Variants in RYR2 observed in about 807,000 individuals in gnomAD.
The protein encoded by RYR2 is cardiac muscle ryanodine receptor-calcium release channel.
RYR2 carries 227 observed loss-of-function variants against 601.1 expected under a neutral mutation model. That is an observed-to-expected ratio of 0.38 (90% CI 0.34 to 0.42). The LOEUF (loss-of-function observed/expected upper bound fraction) is 0.42. Among genes scored for constraint, RYR2 ranks in the 10% least tolerant of loss-of-function variants. The pLI, the probability that RYR2 is intolerant of heterozygous loss-of-function variation, is 1.00. For synonymous variants in RYR2, 2,223 were observed against 2,175.1 expected (o/e 1.02, Z -0.61); for missense variants, 4,646 against 6,156.5 (o/e 0.75, Z 8.21).
intron 100 of RYR2, among the ~76,000 whole-genome samples, chr1:237,817,756 C>G (rs1661994303): frequency 6.6e-6 from 1 of 152,186 alleles, no homozygotes; most frequent in Admixed American, 6.5e-5. Flanking sequence ...GCAAAGGAGA[C>G]TGGAAAGCAA....
intron 10 of RYR2, among the ~76,000 whole-genome samples, chr1:237,414,193 C>T (rs966995940): frequency 6.6e-6 from 1 of 151,496 alleles, no homozygotes; most frequent in Non-Finnish European, 1.5e-5. Context: ...TGTGTGTATA[C>T]ACACACAGAC....
chr1:237,168,413 TA>T (rs1304884087), intron 1 of RYR2, among the ~76,000 whole-genome samples: 4 of 152,208 alleles, frequency 2.6e-5, no homozygotes, highest in Non-Finnish European at 5.9e-5. Context: ...TTGATGGCTA[TA>T]AACTTTGATT....
At chr1:237,770,584 T>G (rs1694191052) in intron 84 of RYR2, among the ~76,000 whole-genome samples, 1 of 152,250 alleles carries the variant, frequency 6.6e-6, no homozygotes, top group African/African-American at 2.4e-5. Context: ...CAGAGAAGTC[T>G]GAGTTTTAAA....
chr1:237,496,175 A>G (rs1196020608), intron 19 of RYR2, among the ~76,000 whole-genome samples: 1 of 152,202 alleles, frequency 6.6e-6, no homozygotes, highest in African/African-American at 2.4e-5. Context: ...AGGTCGAGGC[A>G]GGAGGATCAC....
At chr1:237,524,915 A>T (rs1163487258) in intron 24 of RYR2, among the ~76,000 whole-genome samples, 1 of 152,104 alleles carries the variant, frequency 6.6e-6, no homozygotes, top group Non-Finnish European at 1.5e-5. Flanking sequence ...ATACTTTTTT[A>T]AAAAGTTTAG....
intron 97 of RYR2, among the ~76,000 whole-genome samples, chr1:237,801,392 A>AAAAT (rs1220392723): frequency 7.2e-6 from 1 of 138,928 alleles, no homozygotes; most frequent in East Asian, 2.1e-4. Context: ...AAAAAAAAAA[A>AAAAT]TTCGCTGGGA....
At chr1:237,323,881 A>G (rs1695886326) in intron 2 of RYR2, among the ~76,000 whole-genome samples, 1 of 152,222 alleles carries the variant, frequency 6.6e-6, no homozygotes. Flanking sequence ...TTAGGATCAC[A>G]TTTAGCCTTG....
At chr1:237,196,610 G>T (rs1286181537) in intron 1 of RYR2, among the ~76,000 whole-genome samples, 2 of 151,998 alleles carry the variant, frequency 1.3e-5, no homozygotes, top group Admixed American at 6.6e-5. Context: ...ATATCAAATT[G>T]TCCTACACTT....
intron 10 of RYR2, among the ~76,000 whole-genome samples, chr1:237,412,888 G>A (rs1332552365): frequency 6.6e-6 from 1 of 152,068 alleles, no homozygotes; most frequent in Non-Finnish European, 1.5e-5. Context: ...ATACCATTTG[G>A]CAAACTTGTT....
rs574346278 is a variant in RYR2, at chr1:237,097,783, A to C, written c.48+55214A>C. 3.3e-5 allele frequency among the ~76,000 whole-genome samples: 5 copies of C among 152,304 alleles called. No individual in the cohort carries two copies. The South Asian group carries it at 1.0e-3, about 32-fold the overall frequency. On this transcript the variant is annotated intron_variant, in intron 1 of 104. Coordinates refer to ENST00000366574, the MANE Select transcript of RYR2 (RefSeq NM_001035.3). The stretch of plus-strand genomic sequence containing the variant: ...ACATCCACTACCAGTGATATTAGCT[A>C]TTCCCAGTCCGTGTCACCCCCAGGG...
intron 16 of RYR2, among the ~76,000 whole-genome samples, chr1:237,461,220 C>T (rs571543061): frequency 2.6e-5 from 4 of 152,286 alleles, no homozygotes; most frequent in East Asian, 1.9e-4. Flanking sequence ...AACACAGTAT[C>T]GCACATCTGC....
rs1553355763 is a variant in RYR2 at position 237,234,021 on chromosome 1, AAT to A, written c.49-36475_49-36474del. 4.6e-5 allele frequency among the ~76,000 whole-genome samples: 7 copies of A among 152,126 alleles called. No homozygotes were observed. The South Asian group carries it at 1.5e-3, about 32-fold the overall frequency. On this transcript the variant is annotated intron_variant, in intron 1 of 104. Transcript: ENST00000366574. Reference sequence around the variant, plus strand: ...ATGTCTTGAAATTAGTCAAGGGTCAAATTTTTGAGGACCTTTAAGATATTGGG... The same window carrying A: ...ATGTCTTGAAATTAGTCAAGGGTCAATTTTGAGGACCTTTAAGATATTGGG...
At chr1:237,252,729 G>T (rs1687581549) in intron 1 of RYR2, among the ~76,000 whole-genome samples, 2 of 152,152 alleles carry the variant, frequency 1.3e-5, no homozygotes, top group Non-Finnish European at 2.9e-5. Flanking sequence ...ATCCTCTAAG[G>T]TGGAGATTTC....
intron 10 of RYR2, among the ~76,000 whole-genome samples, chr1:237,389,645 A>G (rs916163705): frequency 1.3e-5 from 2 of 152,200 alleles, no homozygotes; most frequent in South Asian, 2.1e-4. Flanking sequence ...CTGTGAGAGA[A>G]GGTATCTAAT....
intron 56 of RYR2, among the ~76,000 whole-genome samples, chr1:237,665,427 T>C (rs1684235332): frequency 6.8e-6 from 1 of 147,560 alleles, no homozygotes; most frequent in Non-Finnish European, 1.5e-5. Flanking sequence ...AAAGGAAAAC[T>C]TCAGACAAAT....
At chr1:237,588,707 C>T (rs1380896730) in intron 29 of RYR2, among the ~76,000 whole-genome samples, 1 of 152,118 alleles carries the variant, frequency 6.6e-6, no homozygotes. Context: ...GTGGCGTGCA[C>T]CTGTAGTCTC....
intron 16 of RYR2, among the ~76,000 whole-genome samples, chr1:237,467,469 T>C (rs1275637972): frequency 6.6e-6 from 1 of 152,128 alleles, no homozygotes; most frequent in African/African-American, 2.4e-5. Flanking sequence ...TCCACCCCTA[T>C]CTTTTGTCCC....
chr1:237,360,456 T>C (rs1192791229), intron 4 of RYR2, among the ~76,000 whole-genome samples: 2 of 152,222 alleles, frequency 1.3e-5, no homozygotes, highest in Non-Finnish European at 2.9e-5. Context: ...TGAGAACTTA[T>C]AGTAGCTTAT....
intron 1 of RYR2, among the ~76,000 whole-genome samples, chr1:237,105,855 AAAATC>A (rs1668613901): frequency 6.6e-6 from 1 of 151,712 alleles, no homozygotes; most frequent in African/African-American, 2.4e-5. Context: ...AAAAAAAAAA[AAAATC>A]CAAACAAAAA....
Sources: allele counts gnomAD v4.1 joint callset (sites outside exome capture counted in the v4.1 genomes callset), GRCh38; gene constraint gnomAD v4.1.1; transcripts MANE v1.5; gene names NCBI Gene and HGNC (gene_info 2026-07-23, HGNC 2026-07-21).